Variants in KCNT2 observed in about 807,000 individuals in gnomAD.
The protein encoded by KCNT2 is potassium sodium-activated channel subfamily T member 2, also known as potassium channel subfamily T member 2.
Under a neutral mutation model 153.8 loss-of-function variants are expected in KCNT2, and 67 were observed. That is an observed-to-expected ratio of 0.44 (90% CI 0.36 to 0.53). The LOEUF is 0.53. Among genes scored for constraint, KCNT2 ranks in the 20% least tolerant of loss-of-function variants. The pLI, the probability that KCNT2 is intolerant of heterozygous loss-of-function variation, is 0.00. For synonymous variants in KCNT2, 500 were observed against 458.8 expected (o/e 1.09, Z -1.15); for missense variants, 975 against 1,354.8 (o/e 0.72, Z 4.40).
At chr1:196,443,704 C>T (rs2148595236) in intron 8 of KCNT2, among the ~76,000 whole-genome samples, 1 of 151,638 alleles carries the variant, frequency 6.6e-6, no homozygotes, top group East Asian at 2.0e-4. Flanking sequence ...ATAATCCAAT[C>T]CCACAAGGGC....
chr1:196,434,570 C>A (rs542560485), intron 8 of KCNT2, among the ~76,000 whole-genome samples: 2 of 151,928 alleles, frequency 1.3e-5, no homozygotes, highest in Admixed American at 6.6e-5. Context: ...TTAAAGAAAC[C>A]TCTATAACCT....
intron 25 of KCNT2, among the ~76,000 whole-genome samples, chr1:196,270,151 A>G (rs142924148): frequency 2.0e-5 from 3 of 151,976 alleles, no homozygotes. Flanking sequence ...TATTATTAGC[A>G]CCAAAATTAT....
intron 8 of KCNT2, among the ~76,000 whole-genome samples, chr1:196,438,821 T>C (rs1408524519): frequency 6.6e-6 from 1 of 151,914 alleles, no homozygotes; most frequent in Non-Finnish European, 1.5e-5. Context: ...GTAACTAATA[T>C]CATGATATGT....
At chr1:196,514,762 T>C (rs1391115393) in intron 1 of KCNT2, among the ~76,000 whole-genome samples, 2 of 151,822 alleles carry the variant, frequency 1.3e-5, no homozygotes, top group Admixed American at 6.6e-5. Flanking sequence ...TTATTTCTAT[T>C]TTTTGATGCT....
At chr1:196,554,122 C>G (rs1658324394) in intron 1 of KCNT2, among the ~76,000 whole-genome samples, 2 of 150,798 alleles carry the variant, frequency 1.3e-5, no homozygotes, top group African/African-American at 2.4e-5. Flanking sequence ...AAAACAAGAG[C>G]CAACCAAACC....
intron 13 of KCNT2, among the ~76,000 whole-genome samples, chr1:196,382,491 GGA>G (rs1339303813): frequency 6.6e-6 from 1 of 151,944 alleles, no homozygotes; most frequent in African/African-American, 2.4e-5. Context: ...AAATAAAATT[GGA>G]GAGGTAGGAA....
chr1:196,548,415 C>T (rs1288235273), intron 1 of KCNT2, among the ~76,000 whole-genome samples: 1 of 152,112 alleles, frequency 6.6e-6, no homozygotes, highest in African/African-American at 2.4e-5. Context: ...AAATGCTCAT[C>T]ACTGGCCATC....
chr1:196,305,996 G>A (rs1661597768), intron 21 of KCNT2, among the ~76,000 whole-genome samples: 1 of 151,952 alleles, frequency 6.6e-6, no homozygotes, highest in Non-Finnish European at 1.5e-5. Flanking sequence ...ATACCAAAAT[G>A]AGCACACATA....
chr1:196,522,646 G>T (rs1422824972), intron 1 of KCNT2, among the ~76,000 whole-genome samples: 6 of 152,242 alleles, frequency 3.9e-5, no homozygotes, highest in African/African-American at 1.4e-4. Context: ...CTAGCTAGAG[G>T]ACTGTAAACG....
intron 1 of KCNT2, among the ~76,000 whole-genome samples, chr1:196,570,509 C>T (rs140325758): frequency 2.2e-4 from 33 of 152,070 alleles, no homozygotes; most frequent in African/African-American, 7.2e-4. Context: ...GACACAATAC[C>T]AAGTAAACTG....
At chr1:196,397,936 C>T (rs1381892298) in intron 13 of KCNT2, among the ~76,000 whole-genome samples, 2 of 150,760 alleles carry the variant, frequency 1.3e-5, no homozygotes, top group Non-Finnish European at 3.0e-5. Flanking sequence ...TCAACATTAG[C>T]GGTTTTTTTT....
At chr1:196,248,492 T>C (rs1286800737) in intron 26 of KCNT2, among the ~76,000 whole-genome samples, 1 of 151,916 alleles carries the variant, frequency 6.6e-6, no homozygotes, top group South Asian at 2.1e-4. Flanking sequence ...ATACAAAGGA[T>C]CTTTTAGAGG....
intron 26 of KCNT2, among the ~76,000 whole-genome samples, chr1:196,242,870 T>C (rs1264246025): frequency 1.3e-5 from 2 of 152,186 alleles, no homozygotes; most frequent in Non-Finnish European, 2.9e-5. Flanking sequence ...AACATATCAT[T>C]GAAGTTATTT....
At chr1:196,527,224 A>G (rs528567396) in intron 1 of KCNT2, among the ~76,000 whole-genome samples, 1 of 152,272 alleles carries the variant, frequency 6.6e-6, no homozygotes, top group East Asian at 1.9e-4. Flanking sequence ...AAGAAGCAAA[A>G]GAGCGTTTGA....
chr1:196,254,586 T>C (rs2102311170), intron 26 of KCNT2, among the ~76,000 whole-genome samples: 1 of 151,634 alleles, frequency 6.6e-6, no homozygotes, highest in South Asian at 2.1e-4. Flanking sequence ...AAATATTTGA[T>C]TTATTCGTTA....
In KCNT2 at chr1:196,243,366, C is replaced by A. The variant is rs529730520; in HGVS notation, c.3212-7296G>T. ...ACAACTATCCACACAAAAAAAAACA[C>A]CTTCATAAAAACCAAAGATGAGGTG... is the stretch of plus-strand genomic sequence containing the variant. On this transcript the variant is annotated intron_variant, in intron 26 of 27. Coordinates refer to ENST00000294725, the MANE Select transcript of KCNT2 (RefSeq NM_198503.5). Among the ~76,000 whole-genome samples, 131 of 152,228 alleles carry A rather than the reference C, an allele frequency of 8.6e-4. 1 individual carries two copies. The highest frequency in any genetic ancestry group is 3.0e-3 in the African/African-American group (123 of 41,530).
chr1:196,570,690 A>G (rs1353180020), intron 1 of KCNT2, among the ~76,000 whole-genome samples: 1 of 152,124 alleles, frequency 6.6e-6, no homozygotes, highest in African/African-American at 2.4e-5. Flanking sequence ...TAAAAAGAAC[A>G]TAATGGGGAT....
chr1:196,333,343 A>T (rs139536609), intron 17 of KCNT2, among the ~76,000 whole-genome samples: 17 of 152,244 alleles, frequency 1.1e-4, no homozygotes, highest in African/African-American at 2.9e-4. Context: ...AAAGGGAAAC[A>T]GTACTCCTTT....
At chr1:196,405,190 T>C (rs929485988) in intron 12 of KCNT2, among the ~76,000 whole-genome samples, 51 of 151,172 alleles carry the variant, frequency 3.4e-4, no homozygotes, top group African/African-American at 1.1e-3. Flanking sequence ...AAGCAGAAGA[T>C]TGATTGATTT....
Sources: allele counts gnomAD v4.1 joint callset (sites outside exome capture counted in the v4.1 genomes callset), GRCh38; gene constraint gnomAD v4.1.1; transcripts MANE v1.5; gene names NCBI Gene and HGNC (gene_info 2026-07-23, HGNC 2026-07-21).